RMDN1: variants seen among roughly 807,000 people sequenced by gnomAD.
The protein encoded by RMDN1 is regulator of microtubule dynamics 1.
RMDN1 carries 48 observed loss-of-function variants against 48.9 expected under a neutral mutation model. The ratio of observed to expected loss-of-function variants is 0.98; its 90% CI spans 0.78 to 1.25. The LOEUF (loss-of-function observed/expected upper bound fraction) is 1.25. RMDN1 is among the 50% of genes most tolerant of loss of function. The pLI, the probability that RMDN1 is intolerant of heterozygous loss-of-function variation, is 0.00. For synonymous variants in RMDN1, 148 were observed against 132.6 expected (o/e 1.12, Z -0.80); for missense variants, 418 against 373.4 (o/e 1.12, Z -0.98).
At chr8:86,508,801 GT>G (rs1292682578), upstream of RMDN1, 1 of 1,253,284 alleles carries the variant, frequency 8.0e-7, no homozygotes, top group East Asian at 4.4e-5. Context: ...GGCTTAGGGG[GT>G]GGGAAATACC....
intron 2 of RMDN1, among the ~76,000 whole-genome samples, chr8:86,502,434 T>C (rs983190622): frequency 1.3e-5 from 2 of 149,718 alleles, no homozygotes; most frequent in African/African-American, 4.9e-5. Context: ...GGGTCTCACT[T>C]TGTTTAAGAC....
At chr8:86,501,518 CA>C (rs1563651301) in intron 2 of RMDN1, among the ~76,000 whole-genome samples, 1 of 151,998 alleles carries the variant, frequency 6.6e-6, no homozygotes, top group Admixed American at 6.6e-5. Context: ...ACAAAAAATA[CA>C]AAAATTAGGC....
At chr8:86,471,664 G>A (rs1415150366), downstream of RMDN1, among the ~76,000 whole-genome samples, 1 of 152,072 alleles carries the variant, frequency 6.6e-6, no homozygotes. Flanking sequence ...TAAGGGATAT[G>A]GAAGATATAA....
chr8:86,471,363 TCAACATAAAATTA>T (rs1812546354), downstream of RMDN1, among the ~76,000 whole-genome samples: 1 of 151,730 alleles, frequency 6.6e-6, no homozygotes, highest in Admixed American at 6.6e-5. Context: ...TGCTGGTAAC[TCAACATAAAATTA>T]CATCCCTAGG....
rs530245573 is a variant in RMDN1, at chr8:86,496,312, T to C, written c.248-7673A>G. Among the ~76,000 whole-genome samples, 5 of 152,342 alleles carry C rather than the reference T, an allele frequency of 3.3e-5. No homozygotes were observed. In the East Asian group the frequency reaches 7.7e-4, roughly 24 times the overall value. On this transcript the variant is annotated intron_variant, in intron 2 of 9. Transcript: ENST00000406452. ...CTCACATATCAGTATGGACCTTGAATGTATACAGGCTAAATGCCCCACTTA... is the reference window on the plus strand; with the variant it reads ...CTCACATATCAGTATGGACCTTGAACGTATACAGGCTAAATGCCCCACTTA...
At chr8:86,468,313 C>T, downstream of RMDN1, 1 of 428,706 alleles carries the variant, frequency 2.3e-6, no homozygotes, top group South Asian at 1.7e-5. Flanking sequence ...AGAGTGTGTT[C>T]TCCATTTTAT....
rs1027143361 is a variant in RMDN1 at position 86,473,347 on chromosome 8, C to A, written c.*961G>T. The stretch of plus-strand genomic sequence containing the variant: ...TCCAGCCTCAAGTGAGTAGCATAGT[C>A]CTGCCTATTTAAAAACATCTTAGTA... On this transcript the variant is annotated 3_prime_UTR_variant, in exon 10 of 10. Transcript: ENST00000406452. 1 of 985,240 alleles carries A rather than the reference C, an allele frequency of 1.0e-6. No homozygotes were observed. Among genetic ancestry groups the A allele is most frequent in the African/African-American group, 1.7e-5 (1 of 57,338 alleles). 61.0% of individuals were successfully genotyped at this position (985,240 alleles called of 1,614,324 possible). A position where few individuals can be genotyped will look rare whatever the true frequency, so the allele number is the denominator to read the frequency against.
chr8:86,482,929 G>T, intron 5 of RMDN1: 1 of 855,284 alleles, frequency 1.2e-6, no homozygotes, highest in Non-Finnish European at 2.0e-6. Flanking sequence ...TTCCTCCAGA[G>T]GCAGGTGGGC....
intron 6 of RMDN1, among the ~76,000 whole-genome samples, chr8:86,479,531 C>T (rs1296489224): frequency 2.6e-5 from 4 of 152,170 alleles, no homozygotes; most frequent in African/African-American, 9.6e-5. Context: ...GCATCTTTGA[C>T]TAGGGTCTGA....
At chr8:86,491,162 G>A (rs1485591395) in intron 2 of RMDN1, among the ~76,000 whole-genome samples, 1 of 151,728 alleles carries the variant, frequency 6.6e-6, no homozygotes, top group African/African-American at 2.4e-5. Context: ...TTGAGATGGA[G>A]TCTCACTCTG....
upstream of RMDN1, among the ~76,000 whole-genome samples, chr8:86,509,645 G>C (rs140004104): frequency 3.9e-3 from 594 of 152,232 alleles, 1 homozygote; most frequent in African/African-American, 0.013. Context: ...GAAGTAAGTG[G>C]TATCCCAGGT....
At position 86,507,067 on chromosome 8, in the gene RMDN1, C is replaced by G; in HGVS notation, c.175G>C (p.Ala59Pro). 1 of 1,613,272 alleles carries G rather than the reference C, an allele frequency of 6.2e-7. No homozygotes were observed. The highest frequency in any genetic ancestry group is 8.5e-7 in the Non-Finnish European group (1 of 1,179,256). Residue 59 changes from alanine (A) to proline (P), a missense_variant, in exon 2 of 10, where the codon GCT becomes CCT. Transcript: ENST00000406452. ...GTTTCAAAACCCAAATACGACAAAGCTGAGAGTAAAAGGCCTCTTTTGAAA... is the reference window on the plus strand; with the variant it reads ...GTTTCAAAACCCAAATACGACAAAGGTGAGAGTAAAAGGCCTCTTTTGAAA... Reference protein sequence around the residue: ...GTFKRGLLLSALSYLGFETYQ... With the variant: ...GTFKRGLLLSPLSYLGFETYQ...
upstream of RMDN1, among the ~76,000 whole-genome samples, chr8:86,509,773 C>G (rs112562023): frequency 1.7e-4 from 26 of 152,256 alleles, no homozygotes; most frequent in African/African-American, 6.3e-4. Context: ...TATATGATTG[C>G]TACCTCCACT....
intron 2 of RMDN1, among the ~76,000 whole-genome samples, chr8:86,498,981 T>C (rs1416542686): frequency 3.9e-5 from 6 of 152,068 alleles, no homozygotes; most frequent in Non-Finnish European, 8.8e-5. Flanking sequence ...CATGATCATC[T>C]CAAAAGACAC....
At chr8:86,476,940 A>G (rs1001954156) in intron 8 of RMDN1, among the ~76,000 whole-genome samples, 3 of 152,120 alleles carry the variant, frequency 2.0e-5, no homozygotes, top group African/African-American at 7.2e-5. Flanking sequence ...GGTTCAAGTG[A>G]TCCTTCTGCC....
At chr8:86,511,235 G>A (rs1010009318), upstream of RMDN1, among the ~76,000 whole-genome samples, 1 of 151,944 alleles carries the variant, frequency 6.6e-6, no homozygotes, top group Non-Finnish European at 1.5e-5. Context: ...AGCACTTTGG[G>A]AGGCCAAAGC....
At chr8:86,512,667 G>C (rs1301984283), upstream of RMDN1, among the ~76,000 whole-genome samples, 1 of 152,160 alleles carries the variant, frequency 6.6e-6, no homozygotes, top group East Asian at 1.9e-4. Flanking sequence ...AGATTCAACC[G>C]TCCTCTAGGA....
intron 5 of RMDN1, chr8:86,481,891 C>G: frequency 1.3e-6 from 1 of 776,634 alleles, no homozygotes; most frequent in Non-Finnish European, 2.1e-6. Context: ...CTAATATGTT[C>G]AACAAAGTGG....
At chr8:86,498,630 A>C (rs1276593318) in intron 2 of RMDN1, among the ~76,000 whole-genome samples, 3 of 151,016 alleles carry the variant, frequency 2.0e-5, no homozygotes, top group African/African-American at 4.8e-5. Context: ...AAATACAAAA[A>C]ATTACCCAGG....
Sources: allele counts gnomAD v4.1 joint callset (sites outside exome capture counted in the v4.1 genomes callset), GRCh38; gene constraint gnomAD v4.1.1; transcripts MANE v1.5; gene names NCBI Gene and HGNC (gene_info 2026-07-23, HGNC 2026-07-21).